Variants in IL1RAPL2 observed in about 807,000 individuals in gnomAD.
The protein encoded by IL1RAPL2 is interleukin 1 receptor accessory protein like 2, also known as X-linked interleukin-1 receptor accessory protein-like 2.
In IL1RAPL2, 3 loss-of-function variants were observed where a neutral mutation model predicts 44.1. That is an observed-to-expected ratio of 0.07 (90% CI 0.03 to 0.18). The LOEUF (loss-of-function observed/expected upper bound fraction) is 0.18. IL1RAPL2 is among the 10% of genes least tolerant of loss of function. IL1RAPL2 has a pLI of 1.00. For missense variants in IL1RAPL2, 391 were observed against 496.4 expected (o/e 0.79, Z 2.02); for synonymous variants, 181 against 178.8 (o/e 1.01, Z -0.10).
At chrX:104,886,338 T>C (rs1923242980) in intron 2 of IL1RAPL2, among the ~76,000 whole-genome samples, 1 of 95,358 alleles carries the variant, frequency 1.0e-5, no homozygotes, top group African/African-American at 3.8e-5. Context: ...AGTCTGGGCA[T>C]TGGAAGGACA....
At position 105,670,797 on chromosome X, in the gene IL1RAPL2, CAT is replaced by C. The variant is rs200153373; in HGVS notation, c.773-46569_773-46568del. ...ATATTTTTGACATACAAGTCCAGCACATGTTTTGTTAGATTTACACCTAAGTA... is the reference window on the plus strand; with the variant it reads ...ATATTTTTGACATACAAGTCCAGCACGTTTTGTTAGATTTACACCTAAGTA... On this transcript the variant is annotated intron_variant, in intron 6 of 10. Transcript: ENST00000372582. Among the ~76,000 whole-genome samples the C allele has an allele frequency of 9.0e-3, 979 of 108,350 alleles. 21 individuals carry two copies. Among genetic ancestry groups the C allele is most frequent in the Admixed American group, 0.046 (462 of 9,946 alleles). 94.1% of individuals were successfully genotyped at this position (108,350 alleles called of 115,157 possible).
intron 1 of IL1RAPL2, among the ~76,000 whole-genome samples, chrX:104,625,225 T>C (rs913738025): frequency 9.0e-6 from 1 of 111,460 alleles, no homozygotes; most frequent in African/African-American, 3.3e-5. Flanking sequence ...TCCACATACC[T>C]GTGCACCAAA....
chrX:105,374,192 A>T (rs1282939355), intron 5 of IL1RAPL2, among the ~76,000 whole-genome samples: 2 of 108,125 alleles, frequency 1.8e-5, no homozygotes, highest in Non-Finnish European at 3.8e-5. Flanking sequence ...TCACTGGTCT[A>T]TGTGTCTCGT....
chrX:105,219,783 G>C, intron 3 of IL1RAPL2: 1 of 1,179,043 alleles, frequency 8.5e-7, no homozygotes. Flanking sequence ...GCAGGGCTGA[G>C]GTGTGTTCTG....
At chrX:104,842,824 G>C (rs1921945553) in intron 2 of IL1RAPL2, among the ~76,000 whole-genome samples, 1 of 112,488 alleles carries the variant, frequency 8.9e-6, no homozygotes, top group African/African-American at 3.2e-5. Context: ...TGAGGTGTCT[G>C]TCCACCCCTG....
chrX:104,835,337 A>G (rs1039619340), intron 2 of IL1RAPL2, among the ~76,000 whole-genome samples: 2 of 110,916 alleles, frequency 1.8e-5, no homozygotes, highest in Non-Finnish European at 3.8e-5. Flanking sequence ...TTTGTAAAAC[A>G]TATCTCCAGG....
chrX:105,523,370 G>C (rs760574589), intron 6 of IL1RAPL2, among the ~76,000 whole-genome samples: 1 of 111,165 alleles, frequency 9.0e-6, no homozygotes, highest in African/African-American at 3.3e-5. Context: ...ATAAAATGGA[G>C]GTAAAGATGA....
intron 2 of IL1RAPL2, among the ~76,000 whole-genome samples, chrX:104,850,713 A>T (rs940377641): frequency 8.9e-6 from 1 of 111,745 alleles, no homozygotes; most frequent in Non-Finnish European, 1.9e-5. Context: ...TTTTTAAAAA[A>T]TCTTGGCTGA....
chrX:104,676,616 T>G (rs1441835646), intron 2 of IL1RAPL2, among the ~76,000 whole-genome samples: 1 of 111,515 alleles, frequency 9.0e-6, no homozygotes, highest in Admixed American at 9.5e-5. Context: ...TTGTAGCGTT[T>G]TCTGTATTTC....
intron 5 of IL1RAPL2, among the ~76,000 whole-genome samples, chrX:105,397,055 G>T (rs2035568839): frequency 9.1e-6 from 1 of 110,250 alleles, no homozygotes; most frequent in Non-Finnish European, 1.9e-5. Context: ...TACATGTGAG[G>T]GATCTAGGTT....
At chrX:105,265,925 G>A (rs759255037) in intron 4 of IL1RAPL2, among the ~76,000 whole-genome samples, 1 of 111,328 alleles carries the variant, frequency 9.0e-6, no homozygotes, top group Non-Finnish European at 1.9e-5. Context: ...AGTGGTAGAT[G>A]CAGATGTTGT....
chrX:105,030,797 G>A (rs2031477459), intron 2 of IL1RAPL2, among the ~76,000 whole-genome samples: 1 of 111,860 alleles, frequency 8.9e-6, no homozygotes, highest in African/African-American at 3.2e-5. Context: ...TTGGTAGCTT[G>A]ATAGGGATGG....
chrX:104,632,526 G>A (rs767500041), intron 1 of IL1RAPL2, among the ~76,000 whole-genome samples: 1 of 109,325 alleles, frequency 9.1e-6, no homozygotes, highest in African/African-American at 3.3e-5. Flanking sequence ...CTTGAGCAGT[G>A]GTTTGTAGTT....
At chrX:104,764,573 A>G (rs972582411) in intron 2 of IL1RAPL2, among the ~76,000 whole-genome samples, 2 of 111,631 alleles carry the variant, frequency 1.8e-5, no homozygotes, top group Non-Finnish European at 3.8e-5. Context: ...TTGCTCTATC[A>G]TGGACTTCCA....
At chrX:105,029,622 A>G (rs1221100867) in intron 2 of IL1RAPL2, among the ~76,000 whole-genome samples, 14 of 109,054 alleles carry the variant, frequency 1.3e-4, no homozygotes, top group African/African-American at 3.7e-4. Context: ...TGGTGTATAT[A>G]TGCCACATTT....
At chrX:105,194,751 G>A (rs1473010851) in intron 2 of IL1RAPL2, among the ~76,000 whole-genome samples, 5 of 111,438 alleles carry the variant, frequency 4.5e-5, no homozygotes, top group Admixed American at 1.9e-4. Context: ...ATCACTTTAG[G>A]TGCCTACTAC....
intron 8 of IL1RAPL2, among the ~76,000 whole-genome samples, chrX:105,746,400 T>C (rs886636962): frequency 1.8e-5 from 2 of 111,952 alleles, no homozygotes; most frequent in African/African-American, 6.5e-5. Context: ...GAAGTATAGA[T>C]CCTGCTGAGA....
chrX:105,325,182 C>G (rs1257203108), intron 5 of IL1RAPL2, among the ~76,000 whole-genome samples: 1 of 110,942 alleles, frequency 9.0e-6, no homozygotes, highest in African/African-American at 3.3e-5. Flanking sequence ...AAAAAGATCC[C>G]TCATATCCAT....
At chrX:105,666,411 C>T (rs947794147) in intron 6 of IL1RAPL2, among the ~76,000 whole-genome samples, 1 of 111,079 alleles carries the variant, frequency 9.0e-6, no homozygotes, top group Admixed American at 9.6e-5. Context: ...GATTTAGTGT[C>T]ATTTGATTAT....
Sources: gnomAD v4.1 joint callset for allele counts (sites outside exome capture counted in the v4.1 genomes callset) on GRCh38, gnomAD v4.1.1 for gene constraint, MANE v1.5 for transcripts, NCBI Gene and HGNC (gene_info 2026-07-23, HGNC 2026-07-21) for gene names.